Variants in GALNT12 observed in about 807,000 individuals in gnomAD.
GALNT12 encodes UDP-GalNAc:polypeptide N-acetylgalactosaminyltransferase 12.
Under a neutral mutation model 55.5 loss-of-function variants are expected in GALNT12, and 45 were observed. The ratio of observed to expected loss-of-function variants is 0.81; its 90% confidence interval spans 0.64 to 1.04. GALNT12 has a LOEUF of 1.04. Ranked by LOEUF, GALNT12 falls within the 50% of genes least tolerant of loss-of-function variation. The pLI, the probability that GALNT12 is intolerant of heterozygous loss-of-function variation, is 0.00. For synonymous variants in GALNT12, 304 were observed against 312.2 expected (o/e 0.97, Z 0.28); for missense variants, 709 against 754.8 (o/e 0.94, Z 0.71).
In GALNT12 at chr9:98,849,294, A is replaced by C. The variant is rs185904533; in HGVS notation, c.*202A>C. 27 of 613,218 alleles carry C rather than the reference A, an allele frequency of 4.4e-5. No homozygotes were observed. In the East Asian group the frequency reaches 7.1e-4, roughly 16 times the overall value. 38.0% of individuals were successfully genotyped at this position (613,218 alleles called of 1,614,324 possible). A position where few individuals can be genotyped will look rare whatever the true frequency, so the allele number is the denominator to read the frequency against. On this transcript the variant is annotated 3_prime_UTR_variant, in exon 10 of 10. Coordinates refer to ENST00000375011, the MANE Select transcript of GALNT12 (RefSeq NM_024642.5). ...TTTGTACTTATTTTGAGAACTTTTT[A>C]AATGTTCCAAAATACCCTATTTTCA... is the stretch of plus-strand genomic sequence containing the variant.
At chr9:98,847,803 G>A (rs1836452983) in intron 9 of GALNT12, among the ~76,000 whole-genome samples, 1 of 148,830 alleles carries the variant, frequency 6.7e-6, no homozygotes, top group Non-Finnish European at 1.5e-5. Context: ...TAGTTCTTAG[G>A]GCTGGATCTT....
At chr9:98,840,271 C>A in intron 7 of GALNT12, 138 bp downstream of exon 7, 1 of 974,906 alleles carries the variant, frequency 1.0e-6, no homozygotes, top group Non-Finnish European at 1.6e-6. Flanking sequence ...CACCCCCCAC[C>A]ACCTTTTTAT....
At chr9:98,840,839 T>C (rs1224729688) in intron 7 of GALNT12, among the ~76,000 whole-genome samples, 1 of 152,232 alleles carries the variant, frequency 6.6e-6, no homozygotes, top group Admixed American at 6.5e-5. Context: ...TCTTTCTCTC[T>C]CCTGTACTTC....
At chr9:98,835,129 G>T (rs1248025069) in intron 4 of GALNT12, 120 bp from the exon 5 acceptor site, 2 of 799,178 alleles carry the variant, frequency 2.5e-6, no homozygotes, top group South Asian at 1.4e-5. Context: ...AGAGGTGAAG[G>T]CGGGATATGC....
chr9:98,832,889 T>C (rs918543059), intron 4 of GALNT12, among the ~76,000 whole-genome samples: 3 of 152,242 alleles, frequency 2.0e-5, no homozygotes, highest in Admixed American at 1.3e-4. Context: ...TGGGTTGTCC[T>C]TTGGTTATTG....
rs1347415125 is a variant in GALNT12, at chr9:98,831,785, G to A, written c.745G>A (p.Glu249Lys). The change falls in exon 4 of 10, where the codon GAG becomes AAG. Residue 249 changes from glutamate (E) to lysine (K), a missense_variant. Transcript: ENST00000375011. ...GGGTGCTTTCAGGATCCATGAAGAG[G>A]AGTCGGCAGTGGTGTGCCCGGTGAT... ...EPLLQRIHEEESAVVCPVIDV... is the reference protein window; with the variant it reads ...EPLLQRIHEEKSAVVCPVIDV... 5.0e-6 allele frequency: 8 copies of A among 1,614,192 alleles called. No individual in the cohort carries two copies. In the East Asian group the frequency reaches 1.8e-4, roughly 36 times the overall value.
At chr9:98,809,323 A>G (rs1013515905) in intron 1 of GALNT12, among the ~76,000 whole-genome samples, 10 of 152,166 alleles carry the variant, frequency 6.6e-5, no homozygotes, top group African/African-American at 2.4e-4. Context: ...AGTCTTTTTG[A>G]ATAAAACTTT....
At chr9:98,824,227 A>G (rs772404949) in intron 2 of GALNT12, among the ~76,000 whole-genome samples, 3 of 152,242 alleles carry the variant, frequency 2.0e-5, no homozygotes, top group Non-Finnish European at 4.4e-5. Flanking sequence ...CTCACATCAC[A>G]AATCTGGTGT....
Position 98,819,526 on chromosome 9 carries a change from C to G in GALNT12, c.372-3730C>G, listed in dbSNP as rs955853598. 1.1e-4 allele frequency among the ~76,000 whole-genome samples: 17 copies of G among 152,168 alleles called. 1 individual carries two copies. The highest frequency in any genetic ancestry group is 1.1e-3 in the Admixed American group (17 of 15,274). ...TATAAAGCTGACTGAGAACAGCCAG[C>G]CCCTATCAGAGATTCTCAGATAAGC... On this transcript the variant is annotated intron_variant, in intron 1 of 9. Coordinates refer to ENST00000375011, the MANE Select transcript of GALNT12 (RefSeq NM_024642.5).
chr9:98,835,390 G>T, intron 5 of GALNT12, 24 bp downstream of exon 5: 1 of 1,382,206 alleles, frequency 7.2e-7, no homozygotes, highest in South Asian at 1.2e-5. Flanking sequence ...TCTTCTCTTT[G>T]GACATGTTCT....
chr9:98,846,224 G>A, intron 9 of GALNT12, 101 bp downstream of exon 9: 1 of 1,465,924 alleles, frequency 6.8e-7, no homozygotes, highest in Non-Finnish European at 9.5e-7. Flanking sequence ...GTGAGGATCA[G>A]GGATGTGGCC....
intron 1 of GALNT12, among the ~76,000 whole-genome samples, chr9:98,814,358 A>G (rs1564246798): frequency 6.6e-6 from 1 of 152,184 alleles, no homozygotes; most frequent in African/African-American, 2.4e-5. Context: ...TACAGAGGAT[A>G]TGATTTGATT....
At position 98,812,917 on chromosome 9, in the gene GALNT12, A is replaced by C. The variant is rs905339349; in HGVS notation, c.371+4848A>C. Among the ~76,000 whole-genome samples, 4 of 152,252 alleles carry C rather than the reference A, an allele frequency of 2.6e-5. No individual in the cohort carries two copies. In the East Asian group the frequency reaches 5.8e-4, roughly 22 times the overall value. The stretch of plus-strand genomic sequence containing the variant: ...TTAACTATGGACCATAGAATGCTTT[A>C]GTATTGATCATCTTCTCTCCTAATT... On this transcript the variant is annotated intron_variant, in intron 1 of 9. Transcript: ENST00000375011.
At chr9:98,819,780 G>T (rs1382620606) in intron 1 of GALNT12, among the ~76,000 whole-genome samples, 3 of 152,000 alleles carry the variant, frequency 2.0e-5, no homozygotes, top group Non-Finnish European at 4.4e-5. Context: ...GATTCAGATG[G>T]CCCACCTGAG....
chr9:98,848,650 CT>C (rs1477338127), intron 9 of GALNT12: 1 of 425,116 alleles, frequency 2.4e-6, no homozygotes, highest in Admixed American at 3.5e-5. Flanking sequence ...AACAAAGGAT[CT>C]TTGTTCCTGA....
At chr9:98,840,241 T>G (rs753890716) in intron 7 of GALNT12, 108 bp downstream of exon 7, 274 of 1,386,006 alleles carry the variant, frequency 2.0e-4, no homozygotes, top group Non-Finnish European at 2.6e-4. Context: ...ACTGGCTTCC[T>G]CCACTCCCAC....
At chr9:98,814,391 A>G (rs1470171603) in intron 1 of GALNT12, among the ~76,000 whole-genome samples, 8 of 152,166 alleles carry the variant, frequency 5.3e-5, no homozygotes, top group Non-Finnish European at 1.2e-4. Flanking sequence ...CATTTATGTG[A>G]TAACCTTAAT....
chr9:98,816,779 T>G (rs1835621089), intron 1 of GALNT12, among the ~76,000 whole-genome samples: 1 of 150,602 alleles, frequency 6.6e-6, no homozygotes, highest in African/African-American at 2.4e-5. Context: ...GCCTCCTGAG[T>G]AGCTGGGACT....
In GALNT12 at chr9:98,823,359, G is replaced by A. The variant is rs1441365263; in HGVS notation, c.475G>A (p.Val159Ile). ...AACTCTCCTTCGGACAGTTTACAGT[G>A]TCCTTGAGACATCCCCGGATATCCT... ...WSTLLRTVYSVLETSPDILLE... is the reference protein window; with the variant it reads ...WSTLLRTVYSILETSPDILLE... The change falls in exon 2 of 10, where the codon GTC (valine) becomes ATC (isoleucine). Residue 159 changes from valine to isoleucine, a missense_variant. Val to Ile is a conservative substitution (Grantham distance 29, BLOSUM62 3). Transcript: ENST00000375011. 3 of 1,614,030 alleles carry A rather than the reference G, an allele frequency of 1.9e-6. No individual in the cohort carries two copies. The highest frequency in any genetic ancestry group is 2.5e-6 in the Non-Finnish European group (3 of 1,179,982).
Sources: gnomAD v4.1 joint callset for allele counts (sites outside exome capture counted in the v4.1 genomes callset) on GRCh38, gnomAD v4.1.1 for gene constraint, MANE v1.5 for transcripts, NCBI Gene and HGNC (gene_info 2026-07-23, HGNC 2026-07-21) for gene names.